RCAN2: variants seen among roughly 807,000 people sequenced by gnomAD.
The protein encoded by RCAN2 is regulator of calcineurin 2.
Under a neutral mutation model 23.6 loss-of-function variants are expected in RCAN2, and 9 were observed. That is an observed-to-expected ratio of 0.38 (90% CI 0.23 to 0.67). The LOEUF (loss-of-function observed/expected upper bound fraction) is 0.67, where lower values mean the gene tolerates loss of function less well. RCAN2 is among the 30% of genes least tolerant of loss of function. RCAN2 has a pLI of 0.51. For synonymous variants in RCAN2, 109 were observed against 115.7 expected (o/e 0.94, Z 0.37); for missense variants, 273 against 302.3 (o/e 0.90, Z 0.72).
chr6:46,376,786 C>T (rs1765476668), intron 2 of RCAN2, among the ~76,000 whole-genome samples: 1 of 151,858 alleles, frequency 6.6e-6, no homozygotes, highest in Admixed American at 6.6e-5. Context: ...ATGACCAGGT[C>T]TTATTTATCA....
Position 46,480,479 on chromosome 6 carries a change from C to T in RCAN2, c.-3+10694G>A, listed in dbSNP as rs200216232. Among the ~76,000 whole-genome samples, 15 of 152,316 alleles carry T rather than the reference C, an allele frequency of 9.8e-5. No individual in the cohort carries two copies. The East Asian group carries it at 1.5e-3, about 16-fold the overall frequency. ...TTTCAGACAGAAGAAGCATTTAATA[C>T]ATCTGCCTATAAAAAATTCAGACAC... On this transcript the variant is annotated intron_variant, in intron 1 of 4. Transcript: ENST00000371374.
At chr6:46,355,244 A>C (rs1764791821) in intron 2 of RCAN2, among the ~76,000 whole-genome samples, 1 of 152,226 alleles carries the variant, frequency 6.6e-6, no homozygotes, top group South Asian at 2.1e-4. Flanking sequence ...TTTGGATCAC[A>C]GGCCACTTTG....
At chr6:46,442,822 G>A in intron 2 of RCAN2, among the ~76,000 whole-genome samples, 1 of 152,142 alleles carries the variant, frequency 6.6e-6, no homozygotes, top group South Asian at 2.1e-4. Context: ...CAGGCTCTTG[G>A]GCCCCGGGGG....
Position 46,237,030 on chromosome 6 carries a change from C to A in RCAN2, c.571+9718G>T, listed in dbSNP as rs147244775. Among the ~76,000 whole-genome samples the A allele has an allele frequency of 4.8e-3, 732 of 152,342 alleles. 5 individuals are homozygous for A. Among genetic ancestry groups the A allele is most frequent in the African/African-American group, 0.017 (704 of 41,580 alleles). ...GAGCCAGGATTTAAACTCAGGCTTG[C>A]CTGACTTCAAAGAATGTGTTCATAG... is the stretch of plus-strand genomic sequence containing the variant. On this transcript the variant is annotated intron_variant, in intron 4 of 4. Coordinates refer to ENST00000371374, the MANE Select transcript of RCAN2 (RefSeq NM_001251974.2).
intron 1 of RCAN2, among the ~76,000 whole-genome samples, chr6:46,477,051 G>T (rs1312533782): frequency 6.6e-6 from 1 of 152,250 alleles, no homozygotes; most frequent in Middle Eastern, 3.4e-3. Flanking sequence ...ACAAGCATGG[G>T]CCAGGAGGGT....
chr6:46,441,061 T>G (rs1219899411), intron 2 of RCAN2, among the ~76,000 whole-genome samples: 1 of 152,168 alleles, frequency 6.6e-6, no homozygotes, highest in African/African-American at 2.4e-5. Context: ...TTAGAAAACC[T>G]CCTTCCTTCC....
At chr6:46,487,279 C>A (rs1370196569) in intron 1 of RCAN2, among the ~76,000 whole-genome samples, 1 of 152,142 alleles carries the variant, frequency 6.6e-6, no homozygotes, top group Non-Finnish European at 1.5e-5. Flanking sequence ...AAGAAGGTAA[C>A]CTATTAATGA....
At chr6:46,373,984 G>C (rs1325670888) in intron 2 of RCAN2, among the ~76,000 whole-genome samples, 1 of 152,172 alleles carries the variant, frequency 6.6e-6, no homozygotes, top group Non-Finnish European at 1.5e-5. Context: ...TGTCAACCCA[G>C]CACTTTGAGG....
At chr6:46,350,216 T>C (rs948577861) in intron 2 of RCAN2, among the ~76,000 whole-genome samples, 1 of 152,216 alleles carries the variant, frequency 6.6e-6, no homozygotes, top group Admixed American at 6.5e-5. Context: ...AAATATTTAA[T>C]GCATGAATGG....
intron 1 of RCAN2, among the ~76,000 whole-genome samples, chr6:46,466,077 C>T (rs1236252541): frequency 4.6e-5 from 7 of 152,196 alleles, no homozygotes; most frequent in Non-Finnish European, 5.9e-5. Context: ...TGTTCAGACG[C>T]CCCACCTGGA....
At chr6:46,290,508 T>G (rs1561844859) in intron 2 of RCAN2, among the ~76,000 whole-genome samples, 1 of 152,222 alleles carries the variant, frequency 6.6e-6, no homozygotes, top group Non-Finnish European at 1.5e-5. Context: ...GAACTTTATT[T>G]GAACTCTTTC....
At chr6:46,418,425 A>G (rs1766771520) in intron 2 of RCAN2, among the ~76,000 whole-genome samples, 1 of 152,028 alleles carries the variant, frequency 6.6e-6, no homozygotes, top group African/African-American at 2.4e-5. Context: ...CCACGTCCTC[A>G]ATTCCTTACA....
At chr6:46,392,386 C>T (rs868155351) in intron 2 of RCAN2, among the ~76,000 whole-genome samples, 2 of 152,268 alleles carry the variant, frequency 1.3e-5, no homozygotes, top group Middle Eastern at 3.4e-3. Flanking sequence ...ATGAATTAGC[C>T]TTACTGAAGC....
intron 1 of RCAN2, among the ~76,000 whole-genome samples, chr6:46,485,571 G>T (rs1232799104): frequency 3.9e-5 from 6 of 152,146 alleles, no homozygotes; most frequent in Non-Finnish European, 8.8e-5. Context: ...CCTGCTGAGT[G>T]GACATGCCTC....
rs977243461 is a variant in RCAN2, at chr6:46,351,579, T to C, written c.226-102683A>G. Among the ~76,000 whole-genome samples, 3 of 152,108 alleles carry C rather than the reference T, an allele frequency of 2.0e-5. No homozygotes were observed. The East Asian group carries it at 5.8e-4, about 29-fold the overall frequency. Reference sequence around the variant, plus strand: ...CTGCAGCTCTCACAAGATACACAGGTGAGAAATTTAATAGCTCCTCTAGTA... The same window carrying C: ...CTGCAGCTCTCACAAGATACACAGGCGAGAAATTTAATAGCTCCTCTAGTA... On this transcript the variant is annotated intron_variant, in intron 2 of 4. Coordinates refer to ENST00000371374, the MANE Select transcript of RCAN2 (RefSeq NM_001251974.2).
intron 2 of RCAN2, among the ~76,000 whole-genome samples, chr6:46,386,506 G>A (rs556099652): frequency 1.3e-5 from 2 of 150,948 alleles, no homozygotes; most frequent in African/African-American, 4.8e-5. Flanking sequence ...TACTCGGGAG[G>A]CTGAGGCAGG....
rs558537067 is a variant in RCAN2, at chr6:46,403,127, G to A, written c.225+53625C>T. On this transcript the variant is annotated intron_variant, in intron 2 of 4. Transcript: ENST00000371374. ...CTACAGGCGCCCGCCACCACACCCA[G>A]CTAATTTTTTTGTATTTTTAGTAGA... Among the ~76,000 whole-genome samples the A allele has an allele frequency of 1.6e-3, 247 of 152,130 alleles. 2 individuals carry two copies. Among genetic ancestry groups the A allele is most frequent in the Non-Finnish European group, 2.9e-3 (194 of 68,008 alleles).
At chr6:46,328,713 T>C (rs1214888332) in intron 2 of RCAN2, among the ~76,000 whole-genome samples, 1 of 152,148 alleles carries the variant, frequency 6.6e-6, no homozygotes, top group African/African-American at 2.4e-5. Context: ...TGGGTTCAAA[T>C]GATTCTCCTG....
intron 1 of RCAN2, among the ~76,000 whole-genome samples, chr6:46,463,013 A>G (rs990441976): frequency 6.6e-6 from 1 of 152,210 alleles, no homozygotes; most frequent in African/African-American, 2.4e-5. Context: ...GAAAGATGGT[A>G]AACATTCATG....
Sources: gnomAD v4.1 joint callset for allele counts (sites outside exome capture counted in the v4.1 genomes callset) on GRCh38, gnomAD v4.1.1 for gene constraint, MANE v1.5 for transcripts, NCBI Gene and HGNC (gene_info 2026-07-23, HGNC 2026-07-21) for gene names.